The following ACYP2 variants were observed in gnomAD, a reference collection of about 807,000 sequenced individuals.
ACYP2 encodes the protein acylphosphatase 2.
ACYP2 carries 12 observed loss-of-function variants against 11.2 expected under a neutral mutation model. That is an observed-to-expected ratio of 1.08 (90% confidence interval 0.69 to 1.74). ACYP2 has a LOEUF of 1.74. Among genes scored for constraint, ACYP2 ranks in the 40% most tolerant of loss-of-function variants. The probability of loss-of-function intolerance (pLI) is 0.00; values close to 1 mark genes in which losing one functional copy is unlikely to be tolerated. For synonymous variants in ACYP2, 43 were observed against 32.2 expected, an observed-to-expected ratio of 1.33 and a Z score of -1.13; for missense variants, 134 against 101.9, an observed-to-expected ratio of 1.31 and a Z score of -1.35.
chr2:54,024,918 A>G (rs1327867855), intron 2 of ACYP2, among the ~76,000 whole-genome samples: 1 of 152,172 alleles, frequency 6.6e-6, no homozygotes, highest in Non-Finnish European at 1.5e-5. Flanking sequence ...GTGTACACAA[A>G]CCAGTAGTAC....
At chr2:54,255,779 C>T (rs747293917) in intron 6 of ACYP2, 2 of 1,613,908 alleles carry the variant, frequency 1.2e-6, no homozygotes, top group Admixed American at 1.7e-5. Context: ...GCCTTCTCCC[C>T]ACCTAGGCCG....
intron 6 of ACYP2, among the ~76,000 whole-genome samples, chr2:54,217,333 A>G (rs1685599446): frequency 6.6e-6 from 1 of 152,178 alleles, no homozygotes; most frequent in Non-Finnish European, 1.5e-5. Context: ...CAAGTAAAAT[A>G]ATATTATTTT....
intron 6 of ACYP2, among the ~76,000 whole-genome samples, chr2:54,203,857 A>T (rs1684957142): frequency 6.6e-6 from 1 of 151,864 alleles, no homozygotes; most frequent in Non-Finnish European, 1.5e-5. Flanking sequence ...GCTTATAAAT[A>T]TAAAATTTCT....
At chr2:53,988,088 G>A (rs918873719) in intron 2 of ACYP2, among the ~76,000 whole-genome samples, 1 of 152,044 alleles carries the variant, frequency 6.6e-6, no homozygotes, top group Non-Finnish European at 1.5e-5. Flanking sequence ...AACTAGGTTG[G>A]GCATGGTGTT....
At chr2:54,017,014 C>A (rs540734457) in intron 2 of ACYP2, among the ~76,000 whole-genome samples, 9 of 148,684 alleles carry the variant, frequency 6.1e-5, no homozygotes, top group African/African-American at 2.4e-4. Flanking sequence ...CGTGAGCCTC[C>A]GCGCCCGGCC....
chr2:54,198,175 G>A (rs894490010), intron 6 of ACYP2, among the ~76,000 whole-genome samples: 1 of 151,944 alleles, frequency 6.6e-6, no homozygotes, highest in Non-Finnish European at 1.5e-5. Flanking sequence ...CTGCGCCACT[G>A]CACATGGCTA....
At chr2:54,230,622 T>C (rs559389433) in intron 6 of ACYP2, among the ~76,000 whole-genome samples, 4 of 152,128 alleles carry the variant, frequency 2.6e-5, no homozygotes, top group East Asian at 3.9e-4. Context: ...CACCTCGGCC[T>C]CCCAAAGTGC....
intron 4 of ACYP2, among the ~76,000 whole-genome samples, chr2:54,085,448 T>G (rs947168701): frequency 9.9e-5 from 15 of 152,238 alleles, no homozygotes; most frequent in African/African-American, 3.4e-4. Flanking sequence ...TAGTTTTTAT[T>G]CATCTTTCTT....
rs59874821 is a variant in ACYP2 at position 54,201,636 on chromosome 2, C to CTTTCTCTT, written c.404+62889_404+62890insTTCTCTTT. Among the ~76,000 whole-genome samples the CTTTCTCTT allele has an allele frequency of 8.5e-4, 80 of 93,698 alleles. 3 individuals are homozygous for CTTTCTCTT. The highest frequency in any genetic ancestry group is 0.011 in the Middle Eastern group (2 of 188). The allele number at this position is 93,698 out of a possible 152,430, so 61.5% of individuals were successfully genotyped here. On this transcript the variant is annotated intron_variant, in intron 6 of 6. Coordinates refer to ENST00000607452, the MANE Select transcript of ACYP2 (RefSeq NM_001320586.2). Reference sequence around the variant, plus strand: ...TCTTTCTTTCTTTGTTTCTTTCTTTCTCTTTCTTTCTTTCTTTCTTTCTTT... The same window carrying CTTTCTCTT: ...TCTTTCTTTCTTTGTTTCTTTCTTTCTTTCTCTTTCTTTCTTTCTTTCTTTCTTTCTTT...
At position 53,971,129 on chromosome 2, in the gene ACYP2, G is replaced by C. The variant is rs749128999; in HGVS notation, c.-229G>C. 1.3e-5 allele frequency: 3 copies of C among 234,066 alleles called. No individual in the cohort carries two copies. Among genetic ancestry groups the C allele is most frequent in the African/African-American group, 4.5e-5 (2 of 44,312 alleles). 14.5% of individuals were successfully genotyped at this position (234,066 alleles called of 1,614,324 possible). On this transcript the variant is annotated 5_prime_UTR_variant, in exon 1 of 7. Transcript: ENST00000607452. Reference sequence around the variant, plus strand: ...GGAGGCGGTGGTGGCGGCAGCTGGAGCCCAACGGGCTGCGCCTTCTTCGCC... The same window carrying C: ...GGAGGCGGTGGTGGCGGCAGCTGGACCCCAACGGGCTGCGCCTTCTTCGCC...
At chr2:54,261,397 G>C (rs530523813) in intron 6 of ACYP2, among the ~76,000 whole-genome samples, 1 of 152,020 alleles carries the variant, frequency 6.6e-6, no homozygotes, top group East Asian at 1.9e-4. Flanking sequence ...AGAGGGAGAG[G>C]GAGAAAAAGG....
intron 4 of ACYP2, among the ~76,000 whole-genome samples, chr2:54,109,833 T>C (rs1679363973): frequency 1.3e-5 from 2 of 152,178 alleles, no homozygotes; most frequent in Admixed American, 6.5e-5. Context: ...TCTACCATTG[T>C]TAATGATAAA....
intron 2 of ACYP2, among the ~76,000 whole-genome samples, chr2:54,042,797 T>C (rs1007817378): frequency 1.3e-5 from 2 of 152,148 alleles, no homozygotes; most frequent in Non-Finnish European, 2.9e-5. Context: ...GGAAAACATA[T>C]TTACAATGCA....
At chr2:54,064,478 CT>C in intron 4 of ACYP2, among the ~76,000 whole-genome samples, 1 of 152,212 alleles carries the variant, frequency 6.6e-6, no homozygotes, top group Non-Finnish European at 1.5e-5. Context: ...TTATAAATTT[CT>C]TTCTTGTCTG....
chr2:54,135,966 C>T (rs1184845139), intron 5 of ACYP2, among the ~76,000 whole-genome samples: 1 of 152,236 alleles, frequency 6.6e-6, no homozygotes, highest in African/African-American at 2.4e-5. Flanking sequence ...GGTGCGATCT[C>T]AGCTCACTGC....
At chr2:54,236,218 G>T (rs1475909067) in intron 6 of ACYP2, among the ~76,000 whole-genome samples, 2 of 152,014 alleles carry the variant, frequency 1.3e-5, no homozygotes, top group East Asian at 3.9e-4. Context: ...TTACTAAATA[G>T]GTGTGAGCCA....
chr2:54,075,191 G>A (rs922739071), intron 4 of ACYP2, among the ~76,000 whole-genome samples: 1 of 152,128 alleles, frequency 6.6e-6, no homozygotes, highest in African/African-American at 2.4e-5. Context: ...ATTTAGTAAT[G>A]GAGGTTATAA....
intron 2 of ACYP2, among the ~76,000 whole-genome samples, chr2:53,994,313 G>A (rs1362412288): frequency 8.3e-4 from 89 of 106,842 alleles, no homozygotes; most frequent in Admixed American, 2.9e-3. Flanking sequence ...CTGGGTAACA[G>A]AGCAAGACTC....
At chr2:54,042,851 C>G (rs562683657) in intron 2 of ACYP2, among the ~76,000 whole-genome samples, 2 of 152,174 alleles carry the variant, frequency 1.3e-5, no homozygotes, top group African/African-American at 4.8e-5. Context: ...GAGAGAGAAC[C>G]AAGAAGCAAC....
Sources: allele counts gnomAD v4.1 joint callset (sites outside exome capture counted in the v4.1 genomes callset), GRCh38; gene constraint gnomAD v4.1.1; transcripts MANE v1.5; gene names NCBI Gene and HGNC (gene_info 2026-07-23, HGNC 2026-07-21).